PRKD2: variants seen among roughly 807,000 people sequenced by gnomAD.
The protein encoded by PRKD2 is serine/threonine-protein kinase D2.
In PRKD2, 22 loss-of-function variants were observed where a neutral mutation model predicts 86.0. The observed-to-expected ratio is 0.26, with a 90% CI of 0.18 to 0.37. The LOEUF is 0.37. Among genes scored for constraint, PRKD2 ranks in the 10% least tolerant of loss-of-function variants. The probability of loss-of-function intolerance (pLI) is 1.00; values close to 1 mark genes in which losing one functional copy is unlikely to be tolerated. For missense variants in PRKD2, 818 were observed against 1,199.2 expected (o/e 0.68, Z 4.70); for synonymous variants, 509 against 510.9 (o/e 1.00, Z 0.05).
At chr19:46,707,215 C>T (rs1165084950) in intron 3 of PRKD2, among the ~76,000 whole-genome samples, 2 of 152,132 alleles carry the variant, frequency 1.3e-5, no homozygotes, top group Admixed American at 6.6e-5. Context: ...TCTGTACAAG[C>T]GTGGCACCCA....
At position 46,674,373 on chromosome 19, in the gene PRKD2, G is replaced by A; in HGVS notation, c.*150C>T. ...GTCCGTTTTAATTGCTGGGGAAACA[G>A]GGAGGGGCCTTGGAAATAGCTCCCC... is the stretch of plus-strand genomic sequence containing the variant. On this transcript the variant is annotated 3_prime_UTR_variant, in exon 18 of 18. Transcript: ENST00000291281. The A allele has an allele frequency of 1.3e-6, 1 of 787,624 alleles. No individual in the cohort carries two copies. Among genetic ancestry groups the A allele is most frequent in the East Asian group, 2.7e-5 (1 of 36,766 alleles). The allele number at this position is 787,624 out of a possible 1,614,324, so 48.8% of individuals were successfully genotyped here. A position where few individuals can be genotyped will look rare whatever the true frequency, so the allele number is the denominator to read the frequency against.
chr19:46,691,954 G>A lies in PRKD2; in HGVS notation c.1608C>T (p.Asn536=). The stretch of plus-strand genomic sequence containing the variant: ...TCACCACATTCTCTTGGATCTGACT[G>A]TTGGACACAGAGATGCTCAGAGAAG... ...RQASLSISVS[N]SQIQENVDIA... The change falls in exon 11 of 18, where the codon AAC becomes AAT. Residue 536 remains asparagine (N), a synonymous_variant. Transcript: ENST00000291281. 1 of 1,614,100 alleles carries A rather than the reference G, an allele frequency of 6.2e-7. No individual in the cohort carries two copies. The highest frequency in any genetic ancestry group is 1.1e-5 in the South Asian group (1 of 91,086).
chr19:46,684,973 A>T (rs1489265482), intron 14 of PRKD2, among the ~76,000 whole-genome samples: 1 of 146,406 alleles, frequency 6.8e-6, no homozygotes, highest in Admixed American at 6.9e-5. Context: ...AAAAAAAAAA[A>T]ACATTGGCCG....
chr19:46,712,088 A>G (rs1014203542), intron 2 of PRKD2, among the ~76,000 whole-genome samples: 1 of 150,448 alleles, frequency 6.6e-6, no homozygotes, highest in African/African-American at 2.4e-5. Context: ...AAAAAAAAAA[A>G]GCCCAGTGTG....
chr19:46,694,868 C>G (rs1007010778), intron 9 of PRKD2, among the ~76,000 whole-genome samples: 1 of 150,800 alleles, frequency 6.6e-6, no homozygotes, highest in Non-Finnish European at 1.5e-5. Context: ...CCCAGGAGTT[C>G]AAGACCAGCC....
chr19:46,706,321 T>TG, intron 3 of PRKD2, among the ~76,000 whole-genome samples: 1 of 152,304 alleles, frequency 6.6e-6, no homozygotes, highest in South Asian at 2.1e-4. Context: ...CTCCAGCCTT[T>TG]GGGAGCCCTT....
At chr19:46,677,501 G>T (rs537410650) in intron 16 of PRKD2, 5 of 152,272 alleles carry the variant, frequency 3.3e-5, no homozygotes, top group Admixed American at 6.6e-5. Flanking sequence ...TCCAACACAG[G>T]TCCCTTGTTC....
At chr19:46,705,231 TAAG>T (rs1190455096) in intron 3 of PRKD2, among the ~76,000 whole-genome samples, 5 of 151,954 alleles carry the variant, frequency 3.3e-5, no homozygotes, top group Non-Finnish European at 7.4e-5. Context: ...TCCTCTATGG[TAAG>T]CACCTCCTTC....
Position 46,678,342 on chromosome 19 carries a change from C to A in PRKD2, c.2338+54G>T, listed in dbSNP as rs1408914495. On this transcript the variant is annotated intron_variant, in intron 16 of 17. Coordinates refer to ENST00000291281, the MANE Select transcript of PRKD2 (RefSeq NM_016457.5). This position sits in a 1 kb window ranked among gnomAD's most constrained non-coding sequence, Gnocchi z 5.7. ...CCCCCTCTCATGGCTCCGCCCACTTCTCCAGCCCCACCCCACAACCCACCC... is the reference window on the plus strand; with the variant it reads ...CCCCCTCTCATGGCTCCGCCCACTTATCCAGCCCCACCCCACAACCCACCC... The A allele has an allele frequency of 1.9e-6, 3 of 1,590,048 alleles. No individual in the cohort carries two copies. In the African/African-American group the frequency reaches 4.0e-5, roughly 21 times the overall value.
chr19:46,677,797 G>A (rs2122547426), intron 16 of PRKD2, among the ~76,000 whole-genome samples: 1 of 152,176 alleles, frequency 6.6e-6, no homozygotes, highest in East Asian at 1.9e-4. Flanking sequence ...CTCAGGGTCA[G>A]CCCTGTTCCT....
At chr19:46,701,795 G>A (rs1227772277) in intron 5 of PRKD2, among the ~76,000 whole-genome samples, 1 of 151,906 alleles carries the variant, frequency 6.6e-6, no homozygotes, top group East Asian at 2.0e-4. Flanking sequence ...CTTGCTCTGT[G>A]TATTGTAGGA....
chr19:46,680,610 G>A (rs2122568051), intron 15 of PRKD2, among the ~76,000 whole-genome samples: 1 of 151,608 alleles, frequency 6.6e-6, no homozygotes, highest in Non-Finnish European at 1.5e-5. Flanking sequence ...AAATATGTTT[G>A]GAACAACTTG....
At chr19:46,697,702 C>G (rs752590137) in intron 8 of PRKD2, 31 bp downstream of exon 8, 2 of 1,584,178 alleles carry the variant, frequency 1.3e-6, no homozygotes, top group Non-Finnish European at 1.7e-6. Context: ...GCCTTCGCTC[C>G]GCCGTACCCG....
intron 3 of PRKD2, among the ~76,000 whole-genome samples, chr19:46,707,582 T>A (rs543236610): frequency 2.7e-5 from 4 of 150,784 alleles, no homozygotes; most frequent in African/African-American, 9.7e-5. Flanking sequence ...GGAGCAAGAC[T>A]CTGTCTCACA....
chr19:46,684,818 C>T (rs754733917), intron 14 of PRKD2, among the ~76,000 whole-genome samples: 2 of 151,798 alleles, frequency 1.3e-5, no homozygotes, highest in Non-Finnish European at 2.9e-5. Context: ...CAAAAATCAG[C>T]CAGGAATGGT....
chr19:46,715,263 T>G (rs1212331870), intron 1 of PRKD2, among the ~76,000 whole-genome samples: 1 of 151,946 alleles, frequency 6.6e-6, no homozygotes, highest in Non-Finnish European at 1.5e-5. Context: ...AATTCTAACA[T>G]TTTAACTTTC....
At chr19:46,674,779 G>A (rs970682472) in intron 17 of PRKD2, 44 bp from the exon 18 acceptor site, 16 of 1,565,354 alleles carry the variant, frequency 1.0e-5, no homozygotes, top group African/African-American at 1.3e-5. Flanking sequence ...CTGCATTGGA[G>A]CAGTGCCTGG....
intron 17 of PRKD2, 109 bp from the exon 18 acceptor site, chr19:46,674,844 C>G: frequency 1.6e-6 from 2 of 1,279,820 alleles, no homozygotes; most frequent in Admixed American, 2.2e-5. Context: ...AAGCCATACC[C>G]TCTGCAACCC....
At position 46,694,064 on chromosome 19, in the gene PRKD2, T is replaced by G; in HGVS notation, c.1387A>C (p.Asn463His). The G allele has an allele frequency of 4.3e-6, 7 of 1,614,168 alleles. No homozygotes were observed. Among genetic ancestry groups the G allele is most frequent in the Non-Finnish European group, 5.9e-6 (7 of 1,180,026 alleles). ...QNFSLVPPGT[N>H]PHCFEIVTAN... is the part of the protein sequence containing the mutation. ...GTGACGATCTCAAAGCAGTGTGGGT[T>G]GGTGCCCGGCGGCACAAGGCTGAAG... Residue 463 changes from asparagine to histidine, a missense_variant, in exon 10 of 18, where the codon AAC becomes CAC. Asn to His is a moderately conservative substitution (Grantham distance 68, BLOSUM62 1). Around this residue, in one of 5 missense-constraint regions of PRKD2, gnomAD observed 127 missense variants for 157.8 expected, o/e 0.80. Transcript: ENST00000291281.
Sources: allele counts gnomAD v4.1 joint callset (sites outside exome capture counted in the v4.1 genomes callset), GRCh38; gene constraint gnomAD v4.1.1; regional missense constraint gnomAD v4.1.1; non-coding constraint Gnocchi (gnomAD v3.1); transcripts MANE v1.5; gene names NCBI Gene and HGNC (gene_info 2026-07-23, HGNC 2026-07-21).